The following FAM168A variants were observed in gnomAD, a reference collection of about 807,000 sequenced individuals.
FAM168A encodes the protein protein FAM168A.
Under a neutral mutation model 28.5 loss-of-function variants are expected in FAM168A, and 3 were observed. That is an observed-to-expected ratio of 0.11 (90% confidence interval 0.05 to 0.27). FAM168A has a LOEUF of 0.27. FAM168A is among the 10% of genes least tolerant of loss of function. FAM168A has a pLI of 1.00. For synonymous variants in FAM168A, 122 were observed against 124.2 expected (o/e 0.98, Z 0.12); for missense variants, 222 against 311.5 (o/e 0.71, Z 2.16).
intron 1 of FAM168A, among the ~76,000 whole-genome samples, chr11:73,590,505 T>G (rs1489479647): frequency 2.0e-5 from 3 of 151,924 alleles, no homozygotes; most frequent in Non-Finnish European, 2.9e-5. Flanking sequence ...AAATATATTA[T>G]ATATGAAAAG....
intron 1 of FAM168A, among the ~76,000 whole-genome samples, chr11:73,594,331 C>T (rs1044187183): frequency 1.3e-5 from 2 of 151,690 alleles, no homozygotes; most frequent in African/African-American, 4.8e-5. Flanking sequence ...AACTCCTAGG[C>T]TCAAGCAATA....
chr11:73,415,190 C>G (rs1399370197), intron 4 of FAM168A, among the ~76,000 whole-genome samples: 2 of 152,212 alleles, frequency 1.3e-5, no homozygotes, highest in Non-Finnish European at 2.9e-5. Context: ...CCAAAACACC[C>G]TTGGCAGCCA....
At chr11:73,558,602 C>CA (rs374529606) in intron 1 of FAM168A, among the ~76,000 whole-genome samples, 2,286 of 115,604 alleles carry the variant, frequency 0.02, 48 homozygotes, top group African/African-American at 0.063. Flanking sequence ...AACAAAAAGG[C>CA]AAAAAAAAAA....
At chr11:73,567,524 T>C (rs1944034255) in intron 1 of FAM168A, among the ~76,000 whole-genome samples, 1 of 152,232 alleles carries the variant, frequency 6.6e-6, no homozygotes, top group East Asian at 1.9e-4. Context: ...TATGACTCTG[T>C]GGAAGAAACT....
chr11:73,546,452 C>G (rs940579231), intron 1 of FAM168A, among the ~76,000 whole-genome samples: 2 of 152,136 alleles, frequency 1.3e-5, no homozygotes, highest in African/African-American at 4.8e-5. Flanking sequence ...AGCTGTTGGG[C>G]TGGGCACGGT....
chr11:73,427,305 CT>C (rs1357466012), intron 3 of FAM168A, among the ~76,000 whole-genome samples: 1 of 152,020 alleles, frequency 6.6e-6, no homozygotes, highest in Non-Finnish European at 1.5e-5. Context: ...AATATGTTGA[CT>C]TTTAAAAACA....
intron 1 of FAM168A, among the ~76,000 whole-genome samples, chr11:73,543,473 C>G (rs899668127): frequency 1.1e-4 from 17 of 152,004 alleles, no homozygotes; most frequent in Non-Finnish European, 4.4e-5. Flanking sequence ...GTTGGCCAGG[C>G]TAGTCTCAAA....
chr11:73,558,580 T>C (rs1046623262), intron 1 of FAM168A, among the ~76,000 whole-genome samples: 32 of 151,728 alleles, frequency 2.1e-4, no homozygotes, highest in African/African-American at 7.7e-4. Context: ...TAAGGAACTT[T>C]TATAATTCAA....
intron 4 of FAM168A, among the ~76,000 whole-genome samples, chr11:73,414,477 T>A (rs1866666311): frequency 1.3e-5 from 2 of 152,144 alleles, no homozygotes; most frequent in African/African-American, 2.4e-5. Flanking sequence ...AAGGTGCCTG[T>A]TTCTGAAAGC....
At chr11:73,521,764 C>T (rs1943383566) in intron 1 of FAM168A, among the ~76,000 whole-genome samples, 1 of 152,106 alleles carries the variant, frequency 6.6e-6, no homozygotes, top group Non-Finnish European at 1.5e-5. Flanking sequence ...TCCTGAGGCC[C>T]TCATTCTGGG....
At chr11:73,516,846 T>C (rs1281407157) in intron 1 of FAM168A, among the ~76,000 whole-genome samples, 1 of 152,170 alleles carries the variant, frequency 6.6e-6, no homozygotes, top group Non-Finnish European at 1.5e-5. Context: ...CATCCAAAAA[T>C]ATTTATTATG....
At chr11:73,543,772 T>C (rs1191201006) in intron 1 of FAM168A, among the ~76,000 whole-genome samples, 1 of 152,166 alleles carries the variant, frequency 6.6e-6, no homozygotes, top group Admixed American at 6.5e-5. Flanking sequence ...AAATCAGTAT[T>C]AATAAGCTCT....
intron 1 of FAM168A, among the ~76,000 whole-genome samples, chr11:73,568,234 G>A (rs756821094): frequency 6.6e-6 from 1 of 152,108 alleles, no homozygotes; most frequent in Non-Finnish European, 1.5e-5. Context: ...ACTAATCAAG[G>A]CTGAAAATTC....
chr11:73,499,069 T>C (rs1422819611), intron 1 of FAM168A, among the ~76,000 whole-genome samples: 1 of 151,954 alleles, frequency 6.6e-6, no homozygotes, highest in Non-Finnish European at 1.5e-5. Flanking sequence ...TTCGACAGGG[T>C]TGTCAAACAC....
At chr11:73,501,429 C>A (rs1401232494) in intron 1 of FAM168A, among the ~76,000 whole-genome samples, 1 of 152,174 alleles carries the variant, frequency 6.6e-6, no homozygotes, top group African/African-American at 2.4e-5. Flanking sequence ...TAAAATCAAC[C>A]ACTAATTGGA....
intron 1 of FAM168A, among the ~76,000 whole-genome samples, chr11:73,522,924 A>G (rs1943402626): frequency 6.6e-6 from 1 of 151,974 alleles, no homozygotes; most frequent in African/African-American, 2.4e-5. Flanking sequence ...GAGGCAGGAG[A>G]ATTGCTTGAA....
At chr11:73,504,561 T>C (rs1384945764) in intron 1 of FAM168A, among the ~76,000 whole-genome samples, 1 of 152,178 alleles carries the variant, frequency 6.6e-6, no homozygotes, top group Non-Finnish European at 1.5e-5. Flanking sequence ...GGTGGGAATG[T>C]AAATTAGTTC....
intron 4 of FAM168A, among the ~76,000 whole-genome samples, chr11:73,416,123 T>G (rs11235746): frequency 0.31 from 46,613 of 152,024 alleles, 9,515 homozygotes; most frequent in African/African-American, 0.58. Flanking sequence ...AAAGAAAAAA[T>G]GAATTAGATC....
intron 1 of FAM168A, among the ~76,000 whole-genome samples, chr11:73,550,947 A>G (rs1943820584): frequency 6.6e-6 from 1 of 152,092 alleles, no homozygotes; most frequent in Non-Finnish European, 1.5e-5. Context: ...CTCTACTAAA[A>G]ATACAAAAAC....
Sources: allele counts gnomAD v4.1 joint callset (sites outside exome capture counted in the v4.1 genomes callset), GRCh38; gene constraint gnomAD v4.1.1; transcripts MANE v1.5; gene names NCBI Gene and HGNC (gene_info 2026-07-23, HGNC 2026-07-21).